Variants in CDK19 observed in about 807,000 individuals in gnomAD.
The protein encoded by CDK19 is cyclin dependent kinase 19, also known as cyclin-dependent kinase 19.
A neutral mutation model predicts 68.3 loss-of-function variants in CDK19; 20 were observed. The observed-to-expected ratio is 0.29, with a 90% CI of 0.21 to 0.43. The LOEUF (loss-of-function observed/expected upper bound fraction) is 0.43, where lower values mean the gene tolerates loss of function less well. CDK19 is among the 20% of genes least tolerant of loss of function. The probability of loss-of-function intolerance (pLI) is 1.00; values close to 1 mark genes in which losing one functional copy is unlikely to be tolerated. For missense variants in CDK19, 339 were observed against 623.5 expected (o/e 0.54, Z 4.86); for synonymous variants, 221 against 222.8 (o/e 0.99, Z 0.07).
intron 1 of CDK19, among the ~76,000 whole-genome samples, chr6:110,774,831 C>A (rs1780280710): frequency 6.6e-6 from 1 of 152,146 alleles, no homozygotes; most frequent in Non-Finnish European, 1.5e-5. Context: ...CACCTGTAGT[C>A]CCAGCTACTT....
At chr6:110,798,013 A>G (rs1245021320) in intron 1 of CDK19, among the ~76,000 whole-genome samples, 1 of 149,648 alleles carries the variant, frequency 6.7e-6, no homozygotes, top group Admixed American at 6.7e-5. Flanking sequence ...AAAGAAAGAA[A>G]AAGAAAGAAA....
chr6:110,685,181 A>C (rs1386228015), intron 2 of CDK19, among the ~76,000 whole-genome samples: 1 of 152,192 alleles, frequency 6.6e-6, no homozygotes, highest in African/African-American at 2.4e-5. Flanking sequence ...TTCACTCACC[A>C]AGTGCTACAT....
At chr6:110,805,751 A>G (rs1020940919) in intron 1 of CDK19, among the ~76,000 whole-genome samples, 15 of 152,204 alleles carry the variant, frequency 9.9e-5, no homozygotes, top group Admixed American at 6.5e-4. Flanking sequence ...GTAGGACACT[A>G]TATTTTATAT....
chr6:110,797,217 G>A (rs1372847440), intron 1 of CDK19, among the ~76,000 whole-genome samples: 1 of 151,790 alleles, frequency 6.6e-6, no homozygotes, highest in Middle Eastern at 3.2e-3. Flanking sequence ...GCAGGTGCCT[G>A]TAATCCCAGG....
chr6:110,699,379 C>T lies in CDK19; in HGVS notation c.205-28838G>A, dbSNP rs1001368965. 2.0e-5 allele frequency among the ~76,000 whole-genome samples: 3 copies of T among 146,876 alleles called. No homozygotes were observed. In the Admixed American group the frequency reaches 2.1e-4, roughly 10 times the overall value. Reference sequence around the variant, plus strand: ...GGCGGAGGTTGCAGTGAGCCAAGATCATGCCACTTCATTCCAGCTCGGGCA... The same window carrying T: ...GGCGGAGGTTGCAGTGAGCCAAGATTATGCCACTTCATTCCAGCTCGGGCA... On this transcript the variant is annotated intron_variant, in intron 2 of 12. Coordinates refer to ENST00000368911, the MANE Select transcript of CDK19 (RefSeq NM_015076.5).
At chr6:110,788,475 A>T (rs903995478) in intron 1 of CDK19, among the ~76,000 whole-genome samples, 2 of 152,108 alleles carry the variant, frequency 1.3e-5, no homozygotes, top group African/African-American at 4.8e-5. Flanking sequence ...ACAATTTTAA[A>T]GCCATCTCTT....
At chr6:110,749,845 TCAGTGCAA>T (rs1381073231) in intron 1 of CDK19, among the ~76,000 whole-genome samples, 1 of 145,606 alleles carries the variant, frequency 6.9e-6, no homozygotes, top group Non-Finnish European at 1.5e-5. Context: ...TGATCTCAGT[TCAGTGCAA>T]CCTCCGCCTC....
intron 1 of CDK19, among the ~76,000 whole-genome samples, chr6:110,759,835 G>A (rs1779111635): frequency 6.6e-6 from 1 of 151,912 alleles, no homozygotes; most frequent in Admixed American, 6.6e-5. Context: ...CCATTTCATA[G>A]AAATGCCAAC....
intron 2 of CDK19, among the ~76,000 whole-genome samples, chr6:110,693,253 T>G (rs1193571486): frequency 6.6e-6 from 1 of 152,154 alleles, no homozygotes; most frequent in African/African-American, 2.4e-5. Context: ...AGCTGGCCAC[T>G]GCAGTTCCAA....
At chr6:110,614,752 G>A (rs1454819128) in intron 12 of CDK19, 86 bp from the exon 13 acceptor site, 9 of 1,388,324 alleles carry the variant, frequency 6.5e-6, no homozygotes, top group Middle Eastern at 1.8e-4. Context: ...AGAGATATAA[G>A]CCGTTTTCAT....
chr6:110,739,095 G>A (rs1042016390), intron 2 of CDK19, among the ~76,000 whole-genome samples: 1 of 152,176 alleles, frequency 6.6e-6, no homozygotes. Flanking sequence ...GAAGAAGTCA[G>A]TATTTCCCTA....
intron 2 of CDK19, among the ~76,000 whole-genome samples, chr6:110,691,452 C>T (rs893362315): frequency 8.0e-5 from 12 of 150,110 alleles, no homozygotes; most frequent in South Asian, 2.1e-4. Context: ...CCAGCCTGGG[C>T]GACAGTGCAA....
In CDK19 at chr6:110,614,421, T is replaced by C. The variant is rs2114550101; in HGVS notation, c.*114A>G. ...CTCAGTATATAAGGTTTTCCTCCCA[T>C]GTGTATGAGTTTTAAATGGCATCAT... On this transcript the variant is annotated 3_prime_UTR_variant, in exon 13 of 13. Transcript: ENST00000368911. The C allele has an allele frequency of 3.3e-6, 3 of 899,988 alleles. No individual in the cohort carries two copies. The highest frequency in any genetic ancestry group is 1.7e-5 in the South Asian group (1 of 58,916). The allele number at this position is 899,988 out of a possible 1,614,324, so 55.8% of individuals were successfully genotyped here. A position where few individuals can be genotyped will look rare whatever the true frequency, so the allele number is the denominator to read the frequency against.
chr6:110,667,842 T>C (rs970895800), intron 3 of CDK19, among the ~76,000 whole-genome samples: 1 of 152,110 alleles, frequency 6.6e-6, no homozygotes. Flanking sequence ...TAAAAAGGAC[T>C]GATATTGAAA....
At chr6:110,787,325 G>A (rs1305823662) in intron 1 of CDK19, among the ~76,000 whole-genome samples, 4 of 152,172 alleles carry the variant, frequency 2.6e-5, no homozygotes, top group African/African-American at 9.7e-5. Context: ...AGTGAGTGGA[G>A]ATTGTGCCAC....
intron 1 of CDK19, among the ~76,000 whole-genome samples, chr6:110,782,657 CAT>C (rs1478534853): frequency 1.3e-5 from 2 of 152,112 alleles, no homozygotes; most frequent in Admixed American, 1.3e-4. Flanking sequence ...TTATGACAAA[CAT>C]GTATTCCCTT....
intron 4 of CDK19, among the ~76,000 whole-genome samples, chr6:110,647,379 T>A (rs1295119529): frequency 9.3e-6 from 1 of 107,130 alleles, no homozygotes; most frequent in Admixed American, 1.1e-4. Flanking sequence ...ACAAAGGAGT[T>A]GTGAAGGGGG....
At chr6:110,623,929 ATATATATATATGTGTG>A (rs1284586093) in intron 8 of CDK19, among the ~76,000 whole-genome samples, 1 of 142,678 alleles carries the variant, frequency 7.0e-6, no homozygotes, top group Non-Finnish European at 1.5e-5. Flanking sequence ...ATATACGTGT[ATATATATATATGTGTG>A]TATATATATA....
chr6:110,654,271 T>C (rs746165048), intron 4 of CDK19, among the ~76,000 whole-genome samples: 1 of 152,258 alleles, frequency 6.6e-6, no homozygotes, highest in African/African-American at 2.4e-5. Context: ...TTCTGCACTG[T>C]AACAAATAGG....
Sources: allele counts gnomAD v4.1 joint callset (sites outside exome capture counted in the v4.1 genomes callset), GRCh38; gene constraint gnomAD v4.1.1; transcripts MANE v1.5; gene names NCBI Gene and HGNC (gene_info 2026-07-23, HGNC 2026-07-21).